Variants in PDZRN4 observed in about 807,000 individuals in gnomAD.
PDZRN4 encodes the protein PDZ domain containing ring finger 4.
PDZRN4 carries 70 observed loss-of-function variants against 99.0 expected under a neutral mutation model. That is an observed-to-expected ratio of 0.71 (90% CI 0.58 to 0.86). The LOEUF (loss-of-function observed/expected upper bound fraction) is 0.86. PDZRN4 is among the 40% of genes least tolerant of loss of function. PDZRN4 has a pLI of 0.00. For synonymous variants in PDZRN4, 551 were observed against 501.6 expected, an observed-to-expected ratio of 1.10 and a Z score of -1.32; for missense variants, 1,474 against 1,331.2, an observed-to-expected ratio of 1.11 and a Z score of -1.67.
At chr12:41,246,035 A>T (rs1339492744) in intron 3 of PDZRN4, among the ~76,000 whole-genome samples, 4 of 152,128 alleles carry the variant, frequency 2.6e-5, no homozygotes, top group African/African-American at 9.7e-5. Context: ...TAAGTCTTCA[A>T]AATTTAGGAT....
At chr12:41,271,356 T>G (rs1449078749) in intron 3 of PDZRN4, among the ~76,000 whole-genome samples, 1 of 152,158 alleles carries the variant, frequency 6.6e-6, no homozygotes, top group Non-Finnish European at 1.5e-5. Flanking sequence ...TTCATGGCCC[T>G]ATTAAATCAC....
chr12:41,226,645 G>A (rs904972645), intron 3 of PDZRN4, among the ~76,000 whole-genome samples: 3 of 152,192 alleles, frequency 2.0e-5, no homozygotes, highest in Non-Finnish European at 4.4e-5. Flanking sequence ...TAGCTCTGAT[G>A]TATAAAACAG....
chr12:41,462,044 C>T (rs1952878429), intron 3 of PDZRN4, among the ~76,000 whole-genome samples: 3 of 152,140 alleles, frequency 2.0e-5, no homozygotes, highest in Non-Finnish European at 2.9e-5. Context: ...TGATTACATT[C>T]GCTCTGATAT....
chr12:41,292,394 A>G (rs1951462125), intron 3 of PDZRN4, among the ~76,000 whole-genome samples: 1 of 152,196 alleles, frequency 6.6e-6, no homozygotes, highest in Non-Finnish European at 1.5e-5. Context: ...GACCAAGAGA[A>G]AAAATGGCAA....
chr12:41,460,180 A>G, intron 3 of PDZRN4: 1 of 840,944 alleles, frequency 1.2e-6, no homozygotes, highest in South Asian at 1.7e-5. Flanking sequence ...CACGTTTAAC[A>G]AGAGTTTATT....
At chr12:41,335,092 G>T (rs568846551) in intron 3 of PDZRN4, among the ~76,000 whole-genome samples, 1 of 152,022 alleles carries the variant, frequency 6.6e-6, no homozygotes, top group South Asian at 2.1e-4. Flanking sequence ...AAATATAAAG[G>T]TATTTTAGGT....
chr12:41,311,180 T>C (rs1347160627), intron 3 of PDZRN4, among the ~76,000 whole-genome samples: 1 of 152,180 alleles, frequency 6.6e-6, no homozygotes, highest in Admixed American at 6.6e-5. Context: ...CATCATTATA[T>C]AGATTCATTT....
chr12:41,478,957 GT>G (rs1167760900), intron 3 of PDZRN4, among the ~76,000 whole-genome samples: 2 of 152,100 alleles, frequency 1.3e-5, no homozygotes, highest in Non-Finnish European at 2.9e-5. Flanking sequence ...AAATAATAGT[GT>G]TTTTAGTTTT....
intron 9 of PDZRN4, among the ~76,000 whole-genome samples, chr12:41,571,485 T>C (rs988035368): frequency 6.6e-6 from 1 of 151,964 alleles, no homozygotes; most frequent in African/African-American, 2.4e-5. Flanking sequence ...TGCCCATGTC[T>C]GGCAATCAGT....
chr12:41,217,698 C>T (rs1032168968), intron 3 of PDZRN4, among the ~76,000 whole-genome samples: 1 of 152,000 alleles, frequency 6.6e-6, no homozygotes, highest in African/African-American at 2.4e-5. Context: ...CCACAGCCTC[C>T]TCTCCTTCTT....
rs143032921 is a variant in PDZRN4 at position 41,320,247 on chromosome 12, A to G, written c.843+126059A>G. Among the ~76,000 whole-genome samples, 407 of 152,240 alleles carry G rather than the reference A, an allele frequency of 2.7e-3. 1 individual carries two copies. The highest frequency in any genetic ancestry group is 4.3e-3 in the Non-Finnish European group (291 of 68,014). The stretch of plus-strand genomic sequence containing the variant: ...GCTTGGAAGGGTTTCTGAGAATGCT[A>G]TTGGACTCACAGACCTGTGTGGGTG... On this transcript the variant is annotated intron_variant, in intron 3 of 9. Coordinates refer to ENST00000402685, the MANE Select transcript of PDZRN4 (RefSeq NM_001164595.2).
At chr12:41,306,958 C>G (rs1367163954) in intron 3 of PDZRN4, among the ~76,000 whole-genome samples, 2 of 152,170 alleles carry the variant, frequency 1.3e-5, no homozygotes, top group Non-Finnish European at 2.9e-5. Context: ...TTCATATTCT[C>G]TAACAGATGA....
In PDZRN4 at chr12:41,399,153, A is replaced by T. The variant is rs184805496; in HGVS notation, c.844-107303A>T. 1.4e-4 allele frequency among the ~76,000 whole-genome samples: 22 copies of T among 152,212 alleles called. No individual in the cohort carries two copies. The East Asian group carries it at 3.5e-3, about 24-fold the overall frequency. On this transcript the variant is annotated intron_variant, in intron 3 of 9. Transcript: ENST00000402685. The stretch of plus-strand genomic sequence containing the variant: ...TATGCAATTCAAAAACACTAACTTG[A>T]TTCATTAAAATTCATTAATTATTTT...
At chr12:41,434,023 C>G (rs1008618290) in intron 3 of PDZRN4, among the ~76,000 whole-genome samples, 2 of 152,160 alleles carry the variant, frequency 1.3e-5, no homozygotes, top group African/African-American at 2.4e-5. Flanking sequence ...AGAGTAACCA[C>G]CATCCTGACT....
chr12:41,227,431 G>A (rs1387342319), intron 3 of PDZRN4, among the ~76,000 whole-genome samples: 2 of 152,078 alleles, frequency 1.3e-5, no homozygotes, highest in Non-Finnish European at 2.9e-5. Context: ...TTGGAAAGCC[G>A]AGGTGGGAGG....
At chr12:41,430,279 C>A (rs1952576820) in intron 3 of PDZRN4, among the ~76,000 whole-genome samples, 1 of 152,022 alleles carries the variant, frequency 6.6e-6, no homozygotes, top group Non-Finnish European at 1.5e-5. Flanking sequence ...ACCATCCTGG[C>A]CAACATGGTG....
chr12:41,204,945 A>T (rs1950839047), intron 3 of PDZRN4, among the ~76,000 whole-genome samples: 1 of 151,840 alleles, frequency 6.6e-6, no homozygotes, highest in African/African-American at 2.4e-5. Context: ...CTTACCCACC[A>T]TTTCTGTGCT....
chr12:41,558,199 C>T (rs79627978), intron 7 of PDZRN4, among the ~76,000 whole-genome samples: 13,169 of 152,226 alleles, frequency 0.087, 669 homozygotes, highest in Middle Eastern at 0.15. Context: ...TCTTTTGATG[C>T]TCAGAGTCAC....
At chr12:41,311,076 C>T (rs1243507678) in intron 3 of PDZRN4, among the ~76,000 whole-genome samples, 1 of 152,020 alleles carries the variant, frequency 6.6e-6, no homozygotes, top group Non-Finnish European at 1.5e-5. Context: ...ACCAAATCAT[C>T]AAAAATAGAT....
Sources: gnomAD v4.1 joint callset for allele counts (sites outside exome capture counted in the v4.1 genomes callset) on GRCh38, gnomAD v4.1.1 for gene constraint, MANE v1.5 for transcripts, NCBI Gene and HGNC (gene_info 2026-07-23, HGNC 2026-07-21) for gene names.